The following MAMLD1 variants were observed in gnomAD, a reference collection of about 807,000 sequenced individuals.
MAMLD1 encodes mastermind like domain containing 1, also known as mastermind-like domain-containing protein 1.
Under a neutral mutation model 45.0 loss-of-function variants are expected in MAMLD1, and 14 were observed. The observed-to-expected ratio is 0.31, with a 90% CI of 0.21 to 0.49. MAMLD1 has a LOEUF of 0.49. Ranked by LOEUF, MAMLD1 falls within the 20% of genes least tolerant of loss-of-function variation. MAMLD1 has a pLI of 0.99. For missense variants in MAMLD1, 543 were observed against 603.6 expected (o/e 0.90, Z 1.05); for synonymous variants, 254 against 247.8 (o/e 1.02, Z -0.24).
intron 3 of MAMLD1, among the ~76,000 whole-genome samples, chrX:150,464,767 G>A (rs1470190291): frequency 9.0e-6 from 1 of 111,685 alleles, no homozygotes; most frequent in Non-Finnish European, 1.9e-5. Flanking sequence ...TCTACTGGGG[G>A]CCATCCTTGT....
intron 2 of MAMLD1, among the ~76,000 whole-genome samples, chrX:150,462,150 T>A (rs2036061228): frequency 8.9e-6 from 1 of 112,314 alleles, no homozygotes; most frequent in South Asian, 3.7e-4. Flanking sequence ...GGAAGCACCA[T>A]GGTGAGATGG....
At chrX:150,379,847 T>C (rs2032513902) in intron 1 of MAMLD1, among the ~76,000 whole-genome samples, 1 of 112,302 alleles carries the variant, frequency 8.9e-6, no homozygotes, top group Admixed American at 9.4e-5. Flanking sequence ...AATCACTCCA[T>C]ATAGAGATCT....
intron 1 of MAMLD1, among the ~76,000 whole-genome samples, chrX:150,402,396 G>A (rs1449875764): frequency 9.3e-6 from 1 of 107,192 alleles, no homozygotes; most frequent in Non-Finnish European, 1.9e-5. Context: ...CAGTTAGAAT[G>A]GCGATCATTA....
chrX:150,433,413 C>T (rs1189512364), intron 1 of MAMLD1, among the ~76,000 whole-genome samples: 1 of 111,521 alleles, frequency 9.0e-6, no homozygotes, highest in African/African-American at 3.3e-5. Flanking sequence ...TTTCTCTTGC[C>T]TGATTGCTCC....
At chrX:150,454,816 C>G (rs1030396344) in intron 2 of MAMLD1, among the ~76,000 whole-genome samples, 2 of 110,942 alleles carry the variant, frequency 1.8e-5, no homozygotes, top group African/African-American at 6.6e-5. Context: ...ACCATTACCA[C>G]CATCACCATG....
At chrX:150,371,231 T>C (rs2031963608) in intron 1 of MAMLD1, among the ~76,000 whole-genome samples, 1 of 111,352 alleles carries the variant, frequency 9.0e-6, no homozygotes, top group African/African-American at 3.3e-5. Context: ...CCATGTGCCC[T>C]GCTGCTTGTT....
chrX:150,482,161 T>C (rs781941814), intron 5 of MAMLD1, among the ~76,000 whole-genome samples: 11 of 112,150 alleles, frequency 9.8e-5, no homozygotes, highest in African/African-American at 3.2e-4. Flanking sequence ...GCCCATACAA[T>C]AGAATATTAT....
chrX:150,361,914 C>T (rs939147611), upstream of MAMLD1, among the ~76,000 whole-genome samples: 2 of 112,769 alleles, frequency 1.8e-5, no homozygotes, highest in Non-Finnish European at 3.8e-5. Context: ...CAATCCAGCC[C>T]AGCTTGGGCG....
intron 1 of MAMLD1, among the ~76,000 whole-genome samples, chrX:150,429,250 A>T (rs1557403939): frequency 4.5e-5 from 5 of 110,826 alleles, no homozygotes. Context: ...CTGAGGCCTC[A>T]GGCTTGGCCC....
chrX:150,473,853 T>A (rs1557406724), intron 5 of MAMLD1, 51 bp downstream of exon 5: 1 of 1,159,055 alleles, frequency 8.6e-7, no homozygotes, highest in Non-Finnish European at 1.2e-6. Context: ...TTTTGTAGAC[T>A]GATTGTGTTG....
At chrX:150,488,312 G>T in intron 5 of MAMLD1, among the ~76,000 whole-genome samples, 1 of 112,678 alleles carries the variant, frequency 8.9e-6, no homozygotes, top group Non-Finnish European at 1.9e-5. Flanking sequence ...GGCCTGGAGA[G>T]CTAATCTGGG....
chrX:150,386,051 A>G (rs2032909989), intron 1 of MAMLD1, among the ~76,000 whole-genome samples: 1 of 109,852 alleles, frequency 9.1e-6, no homozygotes, highest in Non-Finnish European at 1.9e-5. Context: ...CATGGTGTCT[A>G]TTAGCTCTAT....
intron 1 of MAMLD1, among the ~76,000 whole-genome samples, chrX:150,366,343 C>G (rs1395696673): frequency 1.8e-5 from 2 of 111,992 alleles, no homozygotes; most frequent in African/African-American, 3.3e-5. Context: ...ACCCTCAACG[C>G]GCATACACAC....
intron 5 of MAMLD1, among the ~76,000 whole-genome samples, chrX:150,481,922 CAGAG>C (rs1387756358): frequency 3.8e-5 from 3 of 78,178 alleles, no homozygotes; most frequent in African/African-American, 1.3e-4. Context: ...GAGACAGAGA[CAGAG>C]AAAGTAAGAA....
intron 1 of MAMLD1, among the ~76,000 whole-genome samples, chrX:150,371,975 C>T (rs1473671004): frequency 8.9e-6 from 1 of 111,917 alleles, no homozygotes; most frequent in African/African-American, 3.3e-5. Flanking sequence ...GTAAAGGGAG[C>T]CCAAAGTTGA....
intron 2 of MAMLD1, among the ~76,000 whole-genome samples, chrX:150,452,848 C>T (rs782469586): frequency 9.7e-5 from 10 of 102,878 alleles, no homozygotes; most frequent in East Asian, 6.3e-4. Context: ...TGAGAATATG[C>T]GGTGTTTGGT....
chrX:150,372,454 G>A (rs1295997075), intron 1 of MAMLD1, among the ~76,000 whole-genome samples: 1 of 111,643 alleles, frequency 9.0e-6, no homozygotes. Flanking sequence ...CAGTAGTTTT[G>A]GTGCAGTTGC....
intron 1 of MAMLD1, among the ~76,000 whole-genome samples, chrX:150,416,886 C>T (rs1183139554): frequency 8.9e-6 from 1 of 112,301 alleles, no homozygotes; most frequent in African/African-American, 3.2e-5. Context: ...CTAAGCGCAA[C>T]ACTACGGTTT....
At chrX:150,419,489 A>G (rs2034403424) in intron 1 of MAMLD1, among the ~76,000 whole-genome samples, 1 of 106,692 alleles carries the variant, frequency 9.4e-6, no homozygotes, top group South Asian at 4.3e-4. Flanking sequence ...TTATGATGTT[A>G]GCTGGTTATT....
Sources: gnomAD v4.1 joint callset for allele counts (sites outside exome capture counted in the v4.1 genomes callset) on GRCh38, gnomAD v4.1.1 for gene constraint, MANE v1.5 for transcripts, NCBI Gene and HGNC (gene_info 2026-07-23, HGNC 2026-07-21) for gene names.